The following ELFN1 variants were observed in gnomAD, a reference collection of about 807,000 sequenced individuals.
ELFN1 encodes extracellular leucine rich repeat and fibronectin type III domain containing 1.
Under a neutral mutation model 7.6 loss-of-function variants are expected in ELFN1, and 6 were observed. That is an observed-to-expected ratio of 0.79 (90% confidence interval 0.43 to 1.56). The LOEUF (loss-of-function observed/expected upper bound fraction) is 1.56. Ranked by LOEUF, ELFN1 falls within the 40% of genes most tolerant of loss-of-function variation. The probability of loss-of-function intolerance (pLI) is 0.01; values close to 1 mark genes in which losing one functional copy is unlikely to be tolerated. For synonymous variants in ELFN1, 657 were observed against 588.1 expected, an observed-to-expected ratio of 1.12 and a Z score of -1.70; for missense variants, 1,169 against 1,232.2, an observed-to-expected ratio of 0.95 and a Z score of 0.77.
In ELFN1 at chr7:1,745,560, A is replaced by G. The variant is rs1780755860; in HGVS notation, c.964A>G (p.Lys322Glu). Residue 322 changes from lysine (K) to glutamate (E), a missense_variant, in exon 4 of 4, where the codon AAG (lysine) becomes GAG (glutamate). Coordinates refer to ENST00000424383, the MANE Select transcript of ELFN1 (RefSeq NM_001128636.4). ...QAEARPLIKV[K>E]QLTQNSATIT... ...CGAGGCCCGCCCCCTCATCAAGGTC[A>G]AGCAGCTCACTCAGAACTCGGCCAC... The G allele has an allele frequency of 1.3e-6, 2 of 1,550,126 alleles. No individual in the cohort carries two copies. Among genetic ancestry groups the G allele is most frequent in the African/African-American group, 1.4e-5 (1 of 73,164 alleles).
chr7:1,701,964 T>C (rs549527121), intron 2 of ELFN1, among the ~76,000 whole-genome samples: 1 of 152,316 alleles, frequency 6.6e-6, no homozygotes, highest in African/African-American at 2.4e-5. Flanking sequence ...TTTTTTCCCA[T>C]ATATATTCAA....
rs765207495 is a variant in ELFN1, at chr7:1,745,926, C to T, written c.1330C>T (p.Arg444Trp). Residue 444 changes from arginine (R) to tryptophan (W), a missense_variant, in exon 4 of 4, where the codon CGG becomes TGG. This residue lies in a region of ELFN1 where 914 missense variants were observed against 872.6 expected (regional missense o/e 1.05). Transcript: ENST00000424383. ...CGTCTACTACTGCCTGCGCAGGCGG[C>T]GGCGCCAGGAGGAGAAGCACAAGAA... ...GAVYYCLRRR[R>W]RQEEKHKKAA... The T allele has an allele frequency of 6.4e-6, 10 of 1,565,386 alleles. No homozygotes were observed. The highest frequency in any genetic ancestry group is 3.8e-5 in the Admixed American group (2 of 52,356).
rs765962002 is a variant in ELFN1, at chr7:1,746,743, C to T, written c.2147C>T (p.Pro716Leu). Reference sequence around the variant, plus strand: ...CCCGGCTCCCACCCGGCCGAGCCACCTGCGCCCCCCGGGCCACCGCCGCCG... The same window carrying T: ...CCCGGCTCCCACCCGGCCGAGCCACTTGCGCCCCCCGGGCCACCGCCGCCG... ...SYPGSHPAEP[P>L]APPGPPPPPP... Residue 716 changes from proline (P) to leucine (L), a missense_variant, in exon 4 of 4, where the codon CCT becomes CTT. This residue lies in a region of ELFN1 where 914 missense variants were observed against 872.6 expected (regional missense o/e 1.05). Coordinates refer to ENST00000424383, the MANE Select transcript of ELFN1 (RefSeq NM_001128636.4). 6 of 1,493,122 alleles carry T rather than the reference C, an allele frequency of 4.0e-6. No individual in the cohort carries two copies. The South Asian group carries it at 6.3e-5, about 16-fold the overall frequency. 92.5% of individuals were successfully genotyped at this position (1,493,122 alleles called of 1,614,324 possible). A position where few individuals can be genotyped will look rare whatever the true frequency, so the allele number is the denominator to read the frequency against.
intron 3 of ELFN1, among the ~76,000 whole-genome samples, chr7:1,715,339 T>C (rs1356897877): frequency 6.6e-6 from 1 of 152,068 alleles, no homozygotes; most frequent in Non-Finnish European, 1.5e-5. Context: ...CCAGCCTGGG[T>C]TCTCCCTGCT....
At chr7:1,710,920 A>G (rs554573209) in intron 3 of ELFN1, among the ~76,000 whole-genome samples, 39 of 152,214 alleles carry the variant, frequency 2.6e-4, no homozygotes, top group Non-Finnish European at 4.6e-4. Flanking sequence ...AAGGGAAGGG[A>G]CTCACTCCTG....
upstream of ELFN1, among the ~76,000 whole-genome samples, chr7:1,666,301 G>T (rs1026943961): frequency 6.6e-6 from 1 of 151,878 alleles, no homozygotes; most frequent in Non-Finnish European, 1.5e-5. The surrounding 1 kb of genome is among the most constrained non-coding windows in gnomAD (Gnocchi z 7.9). Flanking sequence ...GGCGGCGGGG[G>T]GCAGCGCAGG....
chr7:1,745,898 C>T lies in ELFN1; in HGVS notation c.1302C>T (p.Gly434=), dbSNP rs748975264. 27 of 1,587,062 alleles carry T rather than the reference C, an allele frequency of 1.7e-5. No homozygotes were observed. The highest frequency in any genetic ancestry group is 1.0e-4 in the South Asian group (9 of 87,504). The change falls in exon 4 of 4, where the codon GGC becomes GGT. Residue 434 remains glycine, a synonymous_variant. Transcript: ENST00000424383. ...TCTTCGGCATGGTGCTGGTGCTGGGCGCCGTCTACTACTGCCTGCGCAGGC... is the reference window on the plus strand; with the variant it reads ...TCTTCGGCATGGTGCTGGTGCTGGGTGCCGTCTACTACTGCCTGCGCAGGC... The part of the protein sequence containing the change: ...GCLFGMVLVL[G]AVYYCLRRRR...
upstream of ELFN1, among the ~76,000 whole-genome samples, chr7:1,669,577 C>T (rs966990968): frequency 6.6e-6 from 1 of 152,234 alleles, no homozygotes. Context: ...CTTCCTGTAA[C>T]ATGCGGACGG....
intron 3 of ELFN1, among the ~76,000 whole-genome samples, chr7:1,712,740 C>A (rs1779698701): frequency 6.6e-6 from 1 of 152,174 alleles, no homozygotes; most frequent in African/African-American, 2.4e-5. Flanking sequence ...GCTTTCTTTC[C>A]TTTTTAAAAG....
chr7:1,745,625 C>T lies in ELFN1; in HGVS notation c.1029C>T (p.Tyr343=), dbSNP rs1214028116. Residue 343 remains tyrosine (Y), a synonymous_variant, in exon 4 of 4, where the codon TAC becomes TAT. Coordinates refer to ENST00000424383, the MANE Select transcript of ELFN1 (RefSeq NM_001128636.4). ...VQLPSPFHRM[Y]TLEHFNNSKA... is the part of the protein sequence containing the mutation. Reference sequence around the variant, plus strand: ...TGCCCAGCCCGTTCCACCGGATGTACACCCTGGAGCATTTCAACAACAGCA... The same window carrying T: ...TGCCCAGCCCGTTCCACCGGATGTATACCCTGGAGCATTTCAACAACAGCA... The T allele has an allele frequency of 1.3e-6, 2 of 1,551,096 alleles. No homozygotes were observed. The highest frequency in any genetic ancestry group is 1.7e-6 in the Non-Finnish European group (2 of 1,146,998).
rs767292946 is a variant in ELFN1, at chr7:1,745,424, G to A, written c.828G>A (p.Pro276=). The change falls in exon 4 of 4, where the codon CCG becomes CCA. Residue 276 remains proline (P), a synonymous_variant. Transcript: ENST00000424383. ...ASGRSQPGRS[P]PPPPPPEPSD... ...GGCGCTCACAGCCGGGCCGCTCCCC[G>A]CCGCCCCCGCCTCCGCCGGAGCCCA... 20 of 1,539,000 alleles carry A rather than the reference G, an allele frequency of 1.3e-5. No homozygotes were observed. The highest frequency in any genetic ancestry group is 2.4e-5 in the South Asian group (2 of 83,968).
intron 2 of ELFN1, among the ~76,000 whole-genome samples, chr7:1,698,370 T>G (rs536865779): frequency 1.3e-5 from 2 of 152,366 alleles, no homozygotes; most frequent in African/African-American, 4.8e-5. Context: ...CCTCTGACTT[T>G]GCTAAGCAAA....
intron 2 of ELFN1, among the ~76,000 whole-genome samples, chr7:1,696,408 T>C (rs1311013604): frequency 1.3e-5 from 2 of 149,506 alleles, no homozygotes; most frequent in South Asian, 2.1e-4. Context: ...TTTTTTTTTT[T>C]CCAGAGATGG....
chr7:1,714,919 C>G (rs1006007552), intron 3 of ELFN1, among the ~76,000 whole-genome samples: 1 of 152,176 alleles, frequency 6.6e-6, no homozygotes, highest in African/African-American at 2.4e-5. Context: ...GTCAATGGTC[C>G]AGGTTCCTTG....
intron 3 of ELFN1, among the ~76,000 whole-genome samples, chr7:1,727,950 C>T (rs1780240502): frequency 6.6e-6 from 1 of 152,092 alleles, no homozygotes; most frequent in Admixed American, 6.5e-5. Context: ...TTTGAATGCC[C>T]AGGGAATGGG....
At chr7:1,737,529 A>G (rs1229338048) in intron 3 of ELFN1, among the ~76,000 whole-genome samples, 2 of 152,136 alleles carry the variant, frequency 1.3e-5, no homozygotes, top group Non-Finnish European at 2.9e-5. Flanking sequence ...CATCCAGGAG[A>G]GAGAGCTTCT....
intron 2 of ELFN1, among the ~76,000 whole-genome samples, chr7:1,708,653 G>A (rs1779587018): frequency 1.3e-5 from 2 of 152,302 alleles, no homozygotes; most frequent in Admixed American, 6.5e-5. Context: ...ACCTCCTGGA[G>A]GGATGTTGGA....
intron 1 of ELFN1, among the ~76,000 whole-genome samples, chr7:1,671,504 CAG>C (rs926820989): frequency 6.6e-6 from 1 of 152,202 alleles, no homozygotes; most frequent in African/African-American, 2.4e-5. Flanking sequence ...AGCCTGGGGA[CAG>C]AAGCTGTGGA....
intron 1 of ELFN1, among the ~76,000 whole-genome samples, chr7:1,671,988 G>T (rs979527748): frequency 6.6e-6 from 1 of 152,160 alleles, no homozygotes; most frequent in Admixed American, 6.5e-5. Context: ...AAGACCTGGG[G>T]GTCTCCAAGT....
Sources: allele counts gnomAD v4.1 joint callset (sites outside exome capture counted in the v4.1 genomes callset), GRCh38; gene constraint gnomAD v4.1.1; regional missense constraint gnomAD v4.1.1; non-coding constraint Gnocchi (gnomAD v3.1); transcripts MANE v1.5; gene names NCBI Gene and HGNC (gene_info 2026-07-23, HGNC 2026-07-21).